KCNB2: variants seen among roughly 807,000 people sequenced by gnomAD.
KCNB2 encodes the protein delayed rectifier potassium channel protein.
A neutral mutation model predicts 61.5 loss-of-function variants in KCNB2; 15 were observed. The observed-to-expected ratio is 0.24, with a 90% CI of 0.16 to 0.38. The LOEUF (loss-of-function observed/expected upper bound fraction) is 0.38. Among genes scored for constraint, KCNB2 ranks in the 10% least tolerant of loss-of-function variants. KCNB2 has a pLI of 1.00. For synonymous variants in KCNB2, 457 were observed against 446.0 expected, an observed-to-expected ratio of 1.02 and a Z score of -0.31; for missense variants, 828 against 1,125.2, an observed-to-expected ratio of 0.74 and a Z score of 3.78.
At chr8:72,668,171 T>A (rs1272973331) in intron 2 of KCNB2, among the ~76,000 whole-genome samples, 1 of 152,188 alleles carries the variant, frequency 6.6e-6, no homozygotes, top group Admixed American at 6.5e-5. Context: ...CCAGCATCAG[T>A]GTATGTGACA....
intron 2 of KCNB2, among the ~76,000 whole-genome samples, chr8:72,600,559 G>A (rs1319852269): frequency 2.6e-5 from 4 of 151,582 alleles, no homozygotes; most frequent in Admixed American, 6.6e-5. Context: ...AAACCTGTAC[G>A]TTGTGTACAT....
chr8:72,682,862 C>T (rs1806784517), intron 2 of KCNB2, among the ~76,000 whole-genome samples: 1 of 152,202 alleles, frequency 6.6e-6, no homozygotes, highest in Non-Finnish European at 1.5e-5. Flanking sequence ...CCACCTTGGC[C>T]TCCCAAAGTG....
At chr8:72,758,485 A>G (rs1808328107) in intron 2 of KCNB2, among the ~76,000 whole-genome samples, 1 of 152,236 alleles carries the variant, frequency 6.6e-6, no homozygotes, top group Admixed American at 6.5e-5. Context: ...CCATGCACTT[A>G]CATAGCTAAT....
chr8:72,787,711 A>G (rs1364430846), intron 2 of KCNB2, among the ~76,000 whole-genome samples: 1 of 152,178 alleles, frequency 6.6e-6, no homozygotes, highest in Non-Finnish European at 1.5e-5. Context: ...ATATCAAAGA[A>G]ATGAGAGTTG....
At position 72,556,433 on chromosome 8, in the gene KCNB2, G is replaced by A. The variant is rs1026406090; in HGVS notation, c.-93-11209G>A. Among the ~76,000 whole-genome samples, 11 of 152,114 alleles carry A rather than the reference G, an allele frequency of 7.2e-5. No individual in the cohort carries two copies. In the South Asian group the frequency reaches 2.1e-3, roughly 29 times the overall value. ...ATTTATAAAGTGCCATACACAGATG[G>A]ATGGTTAAAAAATGCTGTTTAATGA... On this transcript the variant is annotated intron_variant, in intron 1 of 2. Transcript: ENST00000523207.
chr8:72,845,287 G>A (rs1469595880), intron 2 of KCNB2, among the ~76,000 whole-genome samples: 1 of 152,216 alleles, frequency 6.6e-6, no homozygotes, highest in African/African-American at 2.4e-5. Flanking sequence ...AGCAAAGATT[G>A]CTGCCTGTTC....
rs148219959 is a variant in KCNB2, at chr8:72,815,510, C to A, written c.580-120425C>A. ...ACTCAGGAAAGTCAGAGACCTTTGA[C>A]CATTTTTCTCTATTGTATCTCCATT... On this transcript the variant is annotated intron_variant, in intron 2 of 2. Transcript: ENST00000523207. Among the ~76,000 whole-genome samples, 626 of 152,258 alleles carry A rather than the reference C, an allele frequency of 4.1e-3. 3 individuals carry two copies. The highest frequency in any genetic ancestry group is 0.013 in the African/African-American group (527 of 41,558).
intron 2 of KCNB2, among the ~76,000 whole-genome samples, chr8:72,867,454 C>A (rs184832187): frequency 8.0e-4 from 121 of 152,106 alleles, no homozygotes; most frequent in African/African-American, 2.5e-3. Flanking sequence ...TCAAAGCCAG[C>A]CTGGACAACA....
At chr8:72,709,624 G>A (rs1807292191) in intron 2 of KCNB2, among the ~76,000 whole-genome samples, 1 of 151,972 alleles carries the variant, frequency 6.6e-6, no homozygotes, top group African/African-American at 2.4e-5. Context: ...AACTAACTGA[G>A]TGAGAACTCA....
At chr8:72,698,601 C>T (rs546719863) in intron 2 of KCNB2, among the ~76,000 whole-genome samples, 105 of 152,086 alleles carry the variant, frequency 6.9e-4, no homozygotes, top group African/African-American at 9.6e-4. Context: ...TCACATTACC[C>T]GACCTCAAAC....
At chr8:72,584,609 A>T (rs1179275631) in intron 2 of KCNB2, among the ~76,000 whole-genome samples, 2 of 151,998 alleles carry the variant, frequency 1.3e-5, no homozygotes, top group African/African-American at 2.4e-5. Flanking sequence ...AACATAAACC[A>T]CTCTCACCTG....
chr8:72,670,609 G>A (rs1256752981), intron 2 of KCNB2, among the ~76,000 whole-genome samples: 1 of 152,036 alleles, frequency 6.6e-6, no homozygotes, highest in Non-Finnish European at 1.5e-5. Context: ...CCCTACTCAA[G>A]GCAGTTCTGT....
rs1806903500 is a variant in KCNB2 at position 72,936,340 on chromosome 8, A to C, written c.985A>C (p.Arg329=). Residue 329 remains arginine, a synonymous_variant, in exon 3 of 3, where the codon AGG becomes CGG. Transcript: ENST00000523207. The surrounding 1 kb of genome is among the most constrained non-coding windows in gnomAD (Gnocchi z 5.6). The part of the protein sequence containing the change: ...TGLQSLGFTL[R]RSYNELGLLI... ...CCTGCAGTCTCTGGGTTTCACCCTT[A>C]GGCGGAGTTACAATGAATTGGGCTT... 6.2e-7 allele frequency: 1 copy of C among 1,614,134 alleles called. No homozygotes were observed. The highest frequency in any genetic ancestry group is 1.3e-5 in the African/African-American group (1 of 74,946).
At chr8:72,921,606 A>G (rs1264169833) in intron 2 of KCNB2, among the ~76,000 whole-genome samples, 1 of 152,132 alleles carries the variant, frequency 6.6e-6, no homozygotes, top group African/African-American at 2.4e-5. Context: ...AACATCAAAG[A>G]AATTTCTTGT....
intron 1 of KCNB2, among the ~76,000 whole-genome samples, chr8:72,542,521 C>A (rs915843579): frequency 6.6e-6 from 1 of 152,008 alleles, no homozygotes; most frequent in Non-Finnish European, 1.5e-5. Flanking sequence ...ATTAAAAAAA[C>A]CCACAGCCAA....
At chr8:72,628,952 T>G (rs2128984800) in intron 2 of KCNB2, among the ~76,000 whole-genome samples, 1 of 152,314 alleles carries the variant, frequency 6.6e-6, no homozygotes, top group Middle Eastern at 3.4e-3. Flanking sequence ...CCCGAGAATT[T>G]ATGAAAGCTA....
chr8:72,744,723 G>A (rs956860307), intron 2 of KCNB2, among the ~76,000 whole-genome samples: 3 of 152,106 alleles, frequency 2.0e-5, no homozygotes, highest in African/African-American at 2.4e-5. Context: ...TTAGGGCCGA[G>A]CATCCCAGAG....
intron 2 of KCNB2, among the ~76,000 whole-genome samples, chr8:72,890,364 A>C (rs1430072219): frequency 6.6e-6 from 1 of 152,204 alleles, no homozygotes; most frequent in African/African-American, 2.4e-5. Context: ...GCTGCTTTGC[A>C]GACACAATAC....
At chr8:72,793,919 C>T (rs935468263) in intron 2 of KCNB2, among the ~76,000 whole-genome samples, 3 of 152,154 alleles carry the variant, frequency 2.0e-5, no homozygotes, top group Non-Finnish European at 4.4e-5. Flanking sequence ...TCTAGGTGTT[C>T]CCCATGTGCA....
Sources: gnomAD v4.1 joint callset for allele counts (sites outside exome capture counted in the v4.1 genomes callset) on GRCh38, gnomAD v4.1.1 for gene constraint, Gnocchi (gnomAD v3.1) non-coding constraint, MANE v1.5 for transcripts, NCBI Gene and HGNC (gene_info 2026-07-23, HGNC 2026-07-21) for gene names.